The following NXPE2 variants were observed in gnomAD, a reference collection of about 807,000 sequenced individuals.
NXPE2 encodes neurexophilin and PC-esterase domain family member 2, also known as NXPE family member 2.
In NXPE2, 34 loss-of-function variants were observed where a neutral mutation model predicts 34.4. The ratio of observed to expected loss-of-function variants is 0.99; its 90% CI spans 0.75 to 1.31. The LOEUF is 1.31. Among genes scored for constraint, NXPE2 ranks in the 40% most tolerant of loss-of-function variants. The pLI, the probability that NXPE2 is intolerant of heterozygous loss-of-function variation, is 0.00. For missense variants in NXPE2, 649 were observed against 672.5 expected (o/e 0.97, Z 0.39); for synonymous variants, 235 against 231.3 (o/e 1.02, Z -0.15).
the NXPE2 span, among the ~76,000 whole-genome samples, chr11:114,589,400 A>C: frequency 6.6e-6 from 1 of 152,052 alleles, no homozygotes; most frequent in Non-Finnish European, 1.5e-5. Context: ...TCTATAATCG[A>C]GGCCTCCCCT....
chr11:114,598,197 A>G, the NXPE2 span, among the ~76,000 whole-genome samples: 2 of 118,538 alleles, frequency 1.7e-5, no homozygotes, highest in African/African-American at 6.5e-5. Flanking sequence ...CAGAGCTCCA[A>G]AATAATCTCC....
the NXPE2 span, among the ~76,000 whole-genome samples, chr11:114,618,843 T>C: frequency 2.0e-3 from 273 of 139,524 alleles, no homozygotes; most frequent in Non-Finnish European, 2.9e-3. Context: ...TGGGCAACCA[T>C]TGGTACCCAG....
chr11:114,680,037 C>T (rs1033737130), intron 2 of NXPE2, among the ~76,000 whole-genome samples: 4 of 152,186 alleles, frequency 2.6e-5, no homozygotes, highest in Admixed American at 6.5e-5. Context: ...AACCATCCTG[C>T]GTCAAAATTC....
At chr11:114,722,019 G>C in the NXPE2 span, among the ~76,000 whole-genome samples, 10 of 152,328 alleles carry the variant, frequency 6.6e-5, no homozygotes, top group East Asian at 1.9e-3. Flanking sequence ...TTTAAAAAGA[G>C]GAGGCAGTAA....
chr11:114,630,788 A>C, the NXPE2 span, among the ~76,000 whole-genome samples: 1 of 151,942 alleles, frequency 6.6e-6, no homozygotes, highest in Non-Finnish European at 1.5e-5. Flanking sequence ...ATAAAGGGTT[A>C]ATATCCAGAA....
intron 2 of NXPE2, among the ~76,000 whole-genome samples, chr11:114,695,256 C>G (rs912637369): frequency 1.3e-5 from 2 of 152,216 alleles, no homozygotes; most frequent in East Asian, 3.9e-4. Flanking sequence ...AATCCTATTT[C>G]TATACAGAAT....
chr11:114,691,758 G>T (rs1187930247), intron 2 of NXPE2, among the ~76,000 whole-genome samples: 1 of 152,208 alleles, frequency 6.6e-6, no homozygotes, highest in Admixed American at 6.5e-5. Flanking sequence ...TTGACCCAAG[G>T]GGGGCTTTGG....
chr11:114,724,247 T>A, the NXPE2 span, among the ~76,000 whole-genome samples: 1 of 152,108 alleles, frequency 6.6e-6, no homozygotes, highest in African/African-American at 2.4e-5. Context: ...TTCCACCAGA[T>A]CCTAACTGCC....
intron 2 of NXPE2, among the ~76,000 whole-genome samples, chr11:114,689,433 T>C (rs951126103): frequency 5.3e-5 from 8 of 152,106 alleles, no homozygotes; most frequent in African/African-American, 1.9e-4. Flanking sequence ...TTTTATTCCA[T>C]TGTGGTCTGA....
At chr11:114,584,238 T>C in the NXPE2 span, 1 of 444,828 alleles carries the variant, frequency 2.2e-6, no homozygotes, top group Non-Finnish European at 4.5e-6. Context: ...CTAATGAGCC[T>C]TCATACAATG....
chr11:114,686,630 A>G (rs1409564234), intron 2 of NXPE2, among the ~76,000 whole-genome samples: 1 of 152,188 alleles, frequency 6.6e-6, no homozygotes, highest in Non-Finnish European at 1.5e-5. Flanking sequence ...TTGGGTATAT[A>G]CCCAGTAATG....
At chr11:114,615,877 T>C in the NXPE2 span, among the ~76,000 whole-genome samples, 1 of 151,604 alleles carries the variant, frequency 6.6e-6, no homozygotes. Context: ...TGTGACCTGG[T>C]CAATAATAAG....
the NXPE2 span, among the ~76,000 whole-genome samples, chr11:114,644,127 G>T: frequency 6.6e-6 from 1 of 152,136 alleles, no homozygotes; most frequent in Admixed American, 6.6e-5. Context: ...CTTTGCTGAA[G>T]TTGCTTATCA....
At chr11:114,620,079 T>C in the NXPE2 span, among the ~76,000 whole-genome samples, 1 of 152,082 alleles carries the variant, frequency 6.6e-6, no homozygotes, top group East Asian at 1.9e-4. Flanking sequence ...GTATAATAAG[T>C]GTTGCCTCTT....
chr11:114,511,590 A>G, the NXPE2 span, among the ~76,000 whole-genome samples: 2 of 152,230 alleles, frequency 1.3e-5, no homozygotes, highest in Admixed American at 6.5e-5. Context: ...ATACATAAGC[A>G]TGATATTTAG....
chr11:114,567,732 T>A, the NXPE2 span, among the ~76,000 whole-genome samples: 4 of 152,228 alleles, frequency 2.6e-5, no homozygotes, highest in African/African-American at 9.6e-5. Flanking sequence ...ATATACTTTT[T>A]ATTTTTTTTA....
chr11:114,550,172 A>G, the NXPE2 span, among the ~76,000 whole-genome samples: 7 of 152,160 alleles, frequency 4.6e-5, no homozygotes, highest in East Asian at 3.9e-4. Context: ...TAAAATCACA[A>G]TAACAATGTC....
the NXPE2 span, among the ~76,000 whole-genome samples, chr11:114,629,163 C>T: frequency 6.6e-6 from 1 of 152,082 alleles, no homozygotes; most frequent in Non-Finnish European, 1.5e-5. Context: ...CCCTCCCTAA[C>T]TCATTTTATG....
chr11:114,806,028 G>A, the NXPE2 span, among the ~76,000 whole-genome samples: 1 of 152,152 alleles, frequency 6.6e-6, no homozygotes, highest in Non-Finnish European at 1.5e-5. Context: ...AGCAGCATTT[G>A]CAGTTCACCA....
Sources: gnomAD v4.1 joint callset for allele counts (sites outside exome capture counted in the v4.1 genomes callset) on GRCh38, gnomAD v4.1.1 for gene constraint, MANE v1.5 for transcripts, NCBI Gene and HGNC (gene_info 2026-07-23, HGNC 2026-07-21) for gene names.